Variants in FUT8 observed in about 807,000 individuals in gnomAD.
The protein encoded by FUT8 is alpha-(1,6)-fucosyltransferase.
In FUT8, 29 loss-of-function variants were observed where a neutral mutation model predicts 71.3. That is an observed-to-expected ratio of 0.41 (90% CI 0.30 to 0.55). The LOEUF is 0.55. Ranked by LOEUF, FUT8 falls within the 20% of genes least tolerant of loss-of-function variation. FUT8 has a pLI of 0.34. For missense variants in FUT8, 544 were observed against 702.1 expected (o/e 0.77, Z 2.55); for synonymous variants, 254 against 239.3 (o/e 1.06, Z -0.57).
intron 5 of FUT8, among the ~76,000 whole-genome samples, chr14:65,618,254 T>C (rs951892431): frequency 1.3e-5 from 2 of 151,624 alleles, no homozygotes; most frequent in African/African-American, 4.8e-5. Context: ...TATAATTTGT[T>C]TATATAACTC....
At chr14:65,710,582 GTGA>G (rs1894766348) in intron 7 of FUT8, among the ~76,000 whole-genome samples, 2 of 152,018 alleles carry the variant, frequency 1.3e-5, no homozygotes, top group African/African-American at 2.4e-5. Flanking sequence ...ATATTTGTTG[GTGA>G]TGATTTTTTT....
chr14:65,457,014 CT>C (rs1389282810), intron 2 of FUT8, among the ~76,000 whole-genome samples: 2 of 151,422 alleles, frequency 1.3e-5, no homozygotes, highest in African/African-American at 4.9e-5. Flanking sequence ...TTCATTTTTT[CT>C]TTATATTAAG....
intron 2 of FUT8, among the ~76,000 whole-genome samples, chr14:65,482,736 A>G (rs2066350486): frequency 6.6e-6 from 1 of 152,078 alleles, no homozygotes; most frequent in Non-Finnish European, 1.5e-5. Flanking sequence ...CTCCAAATGC[A>G]TCCTTTTTGC....
intron 1 of FUT8, among the ~76,000 whole-genome samples, chr14:65,431,299 CTTTTTTTTT>C (rs138985726): frequency 1.1e-4 from 11 of 98,834 alleles, no homozygotes; most frequent in African/African-American, 3.6e-4. Context: ...CTGCGCCGGC[CTTTTTTTTT>C]TTTTTTTTTT....
chr14:65,582,429 C>G (rs1887143205), intron 3 of FUT8, among the ~76,000 whole-genome samples: 1 of 152,110 alleles, frequency 6.6e-6, no homozygotes, highest in African/African-American at 2.4e-5. Context: ...AAACTTAAGC[C>G]TTTATGCTGA....
At chr14:65,385,358 A>T in the FUT8 span, among the ~76,000 whole-genome samples, 5 of 852 alleles carry the variant, frequency 5.9e-3, no homozygotes, top group African/African-American at 0.027. Flanking sequence ...CTTAAAAATG[A>T]AGTCACAGTA....
At chr14:65,511,479 G>C (rs1882336762) in intron 2 of FUT8, among the ~76,000 whole-genome samples, 1 of 152,158 alleles carries the variant, frequency 6.6e-6, no homozygotes, top group African/African-American at 2.4e-5. Context: ...GTTCAGTGCT[G>C]AAAGTGGGAT....
At chr14:65,363,747 C>G in the FUT8 span, among the ~76,000 whole-genome samples, 68 of 152,318 alleles carry the variant, frequency 4.5e-4, no homozygotes, top group South Asian at 0.014. Flanking sequence ...TGTCCTATCT[C>G]ATTTCTCCAC....
chr14:65,712,880 A>T (rs2139318933), intron 7 of FUT8, among the ~76,000 whole-genome samples: 1 of 152,350 alleles, frequency 6.6e-6, no homozygotes, highest in East Asian at 1.9e-4. Flanking sequence ...GGTATCCATC[A>T]CCTCAAGCAT....
chr14:65,494,554 TC>T lies in FUT8; in HGVS notation c.-228+38838del, dbSNP rs1173218508. ...TGCAAAGCATCGCTCTCCAGTTGTA[TC>T]CAGAGAATCTACTCAGGAGGGGCAA... On this transcript the variant is annotated intron_variant, in intron 2 of 10. Transcript: ENST00000673929. Among the ~76,000 whole-genome samples the T allele has an allele frequency of 2.0e-5, 3 of 152,192 alleles. No homozygotes were observed. In the East Asian group the frequency reaches 5.8e-4, roughly 29 times the overall value.
the FUT8 span, among the ~76,000 whole-genome samples, chr14:65,376,562 C>G: frequency 1.5e-5 from 2 of 135,434 alleles, 1 homozygote; most frequent in Non-Finnish European, 3.2e-5. Flanking sequence ...AGGCGCCCAC[C>G]ACCATGCCTG....
intron 2 of FUT8, among the ~76,000 whole-genome samples, chr14:65,485,871 C>T (rs2066402429): frequency 6.6e-6 from 1 of 152,208 alleles, no homozygotes; most frequent in South Asian, 2.1e-4. Context: ...AGGTTGTAAG[C>T]TGGGACAATT....
chr14:65,465,870 T>C (rs985191214), intron 2 of FUT8, among the ~76,000 whole-genome samples: 1 of 152,226 alleles, frequency 6.6e-6, no homozygotes, highest in African/African-American at 2.4e-5. Flanking sequence ...TTGTTGAAGC[T>C]CCAACTATGA....
chr14:65,618,841 C>T (rs1463009860), intron 5 of FUT8, among the ~76,000 whole-genome samples: 1 of 152,062 alleles, frequency 6.6e-6, no homozygotes, highest in African/African-American at 2.4e-5. Flanking sequence ...TGGGTATGGG[C>T]CTGCCTTCTT....
intron 6 of FUT8, among the ~76,000 whole-genome samples, chr14:65,641,871 G>A (rs952134687): frequency 5.3e-5 from 8 of 150,926 alleles, no homozygotes; most frequent in African/African-American, 1.9e-4. Context: ...TTTTTAATTG[G>A]GATGTTTGCT....
At chr14:65,663,827 T>A (rs1053669821) in intron 6 of FUT8, among the ~76,000 whole-genome samples, 13 of 152,116 alleles carry the variant, frequency 8.5e-5, no homozygotes, top group Admixed American at 2.0e-4. Context: ...AAGCTTTAGG[T>A]TCTAGTCAAA....
rs1363209642 is a variant in FUT8 at position 65,743,378 on chromosome 14, T to C, written c.*968T>C. On this transcript the variant is annotated 3_prime_UTR_variant, in exon 11 of 11. Transcript: ENST00000673929. The stretch of plus-strand genomic sequence containing the variant: ...TTGCTAAGAACACTGTTTGGGAGCT[T>C]TCATTCTCATATTTTGGACATTGTT... The C allele has an allele frequency of 6.6e-6, 1 of 151,920 alleles. No individual in the cohort carries two copies. The highest frequency in any genetic ancestry group is 1.5e-5 in the Non-Finnish European group (1 of 67,904). The allele number at this position is 151,920 out of a possible 1,614,324, so 9.4% of individuals were successfully genotyped here.
intron 7 of FUT8, among the ~76,000 whole-genome samples, chr14:65,708,719 T>A (rs1894676551): frequency 6.6e-6 from 1 of 152,192 alleles, no homozygotes; most frequent in Non-Finnish European, 1.5e-5. Context: ...TGTTCATTAG[T>A]TCTGACAGTT....
intron 7 of FUT8, among the ~76,000 whole-genome samples, chr14:65,687,390 T>G (rs1033586714): frequency 5.3e-5 from 8 of 152,188 alleles, no homozygotes; most frequent in African/African-American, 1.7e-4. Context: ...GATCAGAATT[T>G]TCTGGATTTA....
Sources: gnomAD v4.1 joint callset for allele counts (sites outside exome capture counted in the v4.1 genomes callset) on GRCh38, gnomAD v4.1.1 for gene constraint, MANE v1.5 for transcripts, NCBI Gene and HGNC (gene_info 2026-07-23, HGNC 2026-07-21) for gene names.